The following DPP6 variants were observed in gnomAD, a reference collection of about 807,000 sequenced individuals.
DPP6 encodes the protein A-type potassium channel modulatory protein DPP6.
In DPP6, 69 loss-of-function variants were observed where a neutral mutation model predicts 122.6. The ratio of observed to expected loss-of-function variants is 0.56; its 90% CI spans 0.46 to 0.69. DPP6 has a LOEUF of 0.69. DPP6 is among the 30% of genes least tolerant of loss of function. The pLI is 0.00. For synonymous variants in DPP6, 418 were observed against 433.1 expected, an observed-to-expected ratio of 0.97 and a Z score of 0.43; for missense variants, 928 against 1,116.9, an observed-to-expected ratio of 0.83 and a Z score of 2.41.
At chr7:154,494,627 C>T (rs915634793) in intron 3 of DPP6, among the ~76,000 whole-genome samples, 2 of 151,946 alleles carry the variant, frequency 1.3e-5, no homozygotes, top group African/African-American at 2.4e-5. Flanking sequence ...AAATTATATT[C>T]TCTTCTTATT....
intron 5 of DPP6, among the ~76,000 whole-genome samples, chr7:154,586,834 T>G (rs1048222535): frequency 6.6e-6 from 1 of 152,180 alleles, no homozygotes; most frequent in African/African-American, 2.4e-5. Context: ...CCTCCCCAGA[T>G]ACCCCAGGCA....
At chr7:154,063,866 A>T (rs979382425) in intron 1 of DPP6, among the ~76,000 whole-genome samples, 1 of 151,394 alleles carries the variant, frequency 6.6e-6, no homozygotes, top group Non-Finnish European at 1.5e-5. Flanking sequence ...AAACCCTAAT[A>T]AAAAAGACAG....
At chr7:153,897,455 A>G (rs1323151531) in intron 1 of DPP6, among the ~76,000 whole-genome samples, 2 of 152,224 alleles carry the variant, frequency 1.3e-5, no homozygotes, top group Non-Finnish European at 2.9e-5. Flanking sequence ...TGTTTGTTAA[A>G]ATGGTATTTC....
intron 1 of DPP6, among the ~76,000 whole-genome samples, chr7:154,175,164 G>A (rs562180991): frequency 4.6e-5 from 7 of 152,076 alleles, no homozygotes; most frequent in South Asian, 2.1e-4. Flanking sequence ...CATAAAAGAC[G>A]TTGTCACGAA....
intron 12 of DPP6, among the ~76,000 whole-genome samples, chr7:154,801,025 G>A (rs1294928042): frequency 6.6e-6 from 1 of 151,950 alleles, no homozygotes; most frequent in Non-Finnish European, 1.5e-5. Flanking sequence ...TGAGTTTTGA[G>A]AGCAGAGTTC....
At chr7:154,749,239 A>C (rs1277753457) in intron 8 of DPP6, among the ~76,000 whole-genome samples, 1 of 120,618 alleles carries the variant, frequency 8.3e-6, no homozygotes, top group East Asian at 2.5e-4. Flanking sequence ...AGGGAGAGGG[A>C]TGGAGGCTTT....
At chr7:154,531,633 G>T (rs976247661) in intron 3 of DPP6, among the ~76,000 whole-genome samples, 2 of 152,062 alleles carry the variant, frequency 1.3e-5, no homozygotes, top group African/African-American at 4.8e-5. Context: ...AAATGCAAAA[G>T]ACATTTTTTT....
At chr7:153,786,017 C>T in the DPP6 span, among the ~76,000 whole-genome samples, 1 of 151,538 alleles carries the variant, frequency 6.6e-6, no homozygotes, top group East Asian at 1.9e-4. Context: ...AATAGTTTAT[C>T]TACTGCTTAT....
At chr7:154,646,027 C>CAAAAAAAAAAAAAAAAA (rs71184020) in intron 6 of DPP6, among the ~76,000 whole-genome samples, 6 of 57,944 alleles carry the variant, frequency 1.0e-4, no homozygotes, top group Non-Finnish European at 1.2e-4. Context: ...GACTCCGTCT[C>CAAAAAAAAAAAAAAAAA]AAAAAAAAAA....
At chr7:154,043,531 T>C (rs1158086820) in intron 1 of DPP6, among the ~76,000 whole-genome samples, 12 of 150,884 alleles carry the variant, frequency 8.0e-5, no homozygotes, top group Non-Finnish European at 1.3e-4. Flanking sequence ...GTCTTGTGTT[T>C]TATCTTGGAA....
chr7:154,799,112 G>A (rs572549377), intron 12 of DPP6, among the ~76,000 whole-genome samples: 1 of 152,212 alleles, frequency 6.6e-6, no homozygotes, highest in East Asian at 1.9e-4. Context: ...AGGGAGACCC[G>A]GCCTGCTTAG....
chr7:153,838,572 C>A, the DPP6 span, among the ~76,000 whole-genome samples: 1 of 152,102 alleles, frequency 6.6e-6, no homozygotes, highest in African/African-American at 2.4e-5. Flanking sequence ...TACTGAGTAA[C>A]AAAGGATGTC....
chr7:154,578,167 C>T (rs1831808028), intron 5 of DPP6, among the ~76,000 whole-genome samples: 1 of 152,168 alleles, frequency 6.6e-6, no homozygotes, highest in Non-Finnish European at 1.5e-5. Context: ...TGCTTGTCTT[C>T]TGCTCAACTA....
At chr7:154,061,697 AGGGG>A (rs1205664518) in intron 1 of DPP6, among the ~76,000 whole-genome samples, 1 of 62,312 alleles carries the variant, frequency 1.6e-5, no homozygotes, top group Non-Finnish European at 3.8e-5. Context: ...CCACCATCGC[AGGGG>A]GGGAGGCAAT....
At chr7:154,415,247 T>C (rs975915220) in intron 1 of DPP6, among the ~76,000 whole-genome samples, 8 of 152,188 alleles carry the variant, frequency 5.3e-5, no homozygotes, top group Admixed American at 5.2e-4. Context: ...AGTGACACTC[T>C]AGATAAATCA....
At chr7:154,734,118 C>A (rs777032987) in intron 8 of DPP6, among the ~76,000 whole-genome samples, 3 of 152,212 alleles carry the variant, frequency 2.0e-5, no homozygotes, top group Non-Finnish European at 2.9e-5. Flanking sequence ...TCTAAGAAAG[C>A]AATATGCTGG....
intron 4 of DPP6, among the ~76,000 whole-genome samples, chr7:154,558,797 A>G (rs971253104): frequency 2.0e-5 from 3 of 152,232 alleles, no homozygotes; most frequent in African/African-American, 7.2e-5. Flanking sequence ...CATATCAGAT[A>G]TATTGTTAAG....
At chr7:154,531,889 CA>C (rs1301831976) in intron 3 of DPP6, among the ~76,000 whole-genome samples, 1 of 151,610 alleles carries the variant, frequency 6.6e-6, no homozygotes, top group Non-Finnish European at 1.5e-5. Context: ...AAGACAACCA[CA>C]AAAAAAGCTA....
Position 154,210,580 on chromosome 7 carries a change from T to A in DPP6, c.243+157517T>A, listed in dbSNP as rs115602283. Among the ~76,000 whole-genome samples the A allele has an allele frequency of 4.2e-3, 640 of 152,306 alleles. 5 individuals are homozygous for A. The highest frequency in any genetic ancestry group is 0.015 in the African/African-American group (616 of 41,554). On this transcript the variant is annotated intron_variant, in intron 1 of 25. Transcript: ENST00000377770. Reference sequence around the variant, plus strand: ...CAATAACATTAGTTATTTTTATTATTTAACCTCAGTGTGTTGTCTGGCAAA... The same window carrying A: ...CAATAACATTAGTTATTTTTATTATATAACCTCAGTGTGTTGTCTGGCAAA...
Sources: gnomAD v4.1 joint callset for allele counts (sites outside exome capture counted in the v4.1 genomes callset) on GRCh38, gnomAD v4.1.1 for gene constraint, MANE v1.5 for transcripts, NCBI Gene and HGNC (gene_info 2026-07-23, HGNC 2026-07-21) for gene names.